POF1B: variants seen among roughly 807,000 people sequenced by gnomAD.
POF1B encodes protein POF1B.
In POF1B, 53 loss-of-function variants were observed where a neutral mutation model predicts 55.3. The observed-to-expected ratio is 0.96, with a 90% CI of 0.77 to 1.20. The LOEUF (loss-of-function observed/expected upper bound fraction) is 1.20. Ranked by LOEUF, POF1B falls within the 50% of genes most tolerant of loss-of-function variation. The probability of loss-of-function intolerance (pLI) is 0.00; values close to 1 mark genes in which losing one functional copy is unlikely to be tolerated. For synonymous variants in POF1B, 188 were observed against 148.3 expected, an observed-to-expected ratio of 1.27 and a Z score of -1.95; for missense variants, 478 against 420.5, an observed-to-expected ratio of 1.14 and a Z score of -1.20.
intron 2 of POF1B, among the ~76,000 whole-genome samples, chrX:85,377,816 T>C (rs1185981631): frequency 1.8e-5 from 2 of 112,113 alleles, no homozygotes; most frequent in Non-Finnish European, 3.8e-5. Context: ...AATTGTCCGG[T>C]AGCCAATATT....
intron 6 of POF1B, among the ~76,000 whole-genome samples, chrX:85,344,048 C>A (rs1933224887): frequency 9.0e-6 from 1 of 111,089 alleles, no homozygotes; most frequent in South Asian, 3.7e-4. Flanking sequence ...AATATGCTAG[C>A]CATATCTATT....
chrX:85,319,697 C>G (rs1180290434), intron 7 of POF1B, among the ~76,000 whole-genome samples: 1 of 111,616 alleles, frequency 9.0e-6, no homozygotes, highest in Non-Finnish European at 1.9e-5. Flanking sequence ...TTAAACCAAT[C>G]TTGCCCCCCA....
At chrX:85,364,684 C>G (rs1274077604) in intron 3 of POF1B, among the ~76,000 whole-genome samples, 2 of 111,372 alleles carry the variant, frequency 1.8e-5, no homozygotes, top group Non-Finnish European at 3.8e-5. Context: ...TGTCAACATT[C>G]TTTCTTTCAT....
intron 15 of POF1B, among the ~76,000 whole-genome samples, 183 bp downstream of exon 15, chrX:85,303,223 T>G (rs942618693): frequency 4.5e-5 from 5 of 111,311 alleles, no homozygotes; most frequent in Non-Finnish European, 7.6e-5. Flanking sequence ...AGGAAAGATG[T>G]GCTTCAGGAT....
At chrX:85,326,871 A>C (rs1932903215) in intron 7 of POF1B, among the ~76,000 whole-genome samples, 1 of 109,919 alleles carries the variant, frequency 9.1e-6, no homozygotes, top group Admixed American at 9.6e-5. Context: ...GAGGCACCCC[A>C]CCTGGGCATC....
intron 7 of POF1B, among the ~76,000 whole-genome samples, chrX:85,326,703 G>A (rs369235770): frequency 1.5e-4 from 16 of 109,747 alleles, no homozygotes; most frequent in African/African-American, 5.0e-4. Flanking sequence ...GGGTGGCCAT[G>A]GGAGAGTGCG....
chrX:85,335,886 T>A (rs1006556142), intron 6 of POF1B, among the ~76,000 whole-genome samples: 2 of 110,429 alleles, frequency 1.8e-5, no homozygotes, highest in African/African-American at 6.6e-5. Flanking sequence ...TATTTTTAAA[T>A]GTACAATTAA....
At chrX:85,378,342 G>A (rs1040508445) in intron 2 of POF1B, among the ~76,000 whole-genome samples, 8 of 111,617 alleles carry the variant, frequency 7.2e-5, no homozygotes, top group African/African-American at 2.6e-4. Flanking sequence ...CTTAAAACAT[G>A]CAAATTTAAT....
At chrX:85,291,905 C>G (rs1168338246) in intron 15 of POF1B, among the ~76,000 whole-genome samples, 1 of 111,125 alleles carries the variant, frequency 9.0e-6, no homozygotes, top group East Asian at 2.9e-4. Flanking sequence ...TATTTGGATG[C>G]CTTTATTTCT....
At chrX:85,307,057 C>A in intron 11 of POF1B, 106 bp downstream of exon 11, 1 of 631,140 alleles carries the variant, frequency 1.6e-6, no homozygotes, top group Non-Finnish European at 2.4e-6. Context: ...ATTTTTCCAT[C>A]ATATTTAATT....
chrX:85,279,942 C>T (rs1034217895), intron 16 of POF1B, among the ~76,000 whole-genome samples: 1 of 111,080 alleles, frequency 9.0e-6, no homozygotes, highest in African/African-American at 3.3e-5. Flanking sequence ...TCAGTCTTAA[C>T]TTTGGGCATC....
chrX:85,321,727 T>G (rs1360088194), intron 7 of POF1B, among the ~76,000 whole-genome samples: 1 of 100,121 alleles, frequency 1.0e-5, no homozygotes, highest in African/African-American at 4.1e-5. Context: ...CTTAAGCTGA[T>G]AAGCAACTTC....
intron 9 of POF1B, among the ~76,000 whole-genome samples, chrX:85,309,497 A>C (rs901973285): frequency 8.9e-5 from 10 of 111,754 alleles, no homozygotes; most frequent in South Asian, 7.5e-4. Flanking sequence ...ATTGGTTAGG[A>C]ATCTTGGGAC....
At chrX:85,372,412 T>C (rs200509771) in intron 2 of POF1B, among the ~76,000 whole-genome samples, 1 of 109,032 alleles carries the variant, frequency 9.2e-6, no homozygotes, top group Non-Finnish European at 1.9e-5. Context: ...ATAATTTCAT[T>C]ACATCACTTG....
chrX:85,324,530 C>T (rs761884895), intron 7 of POF1B, among the ~76,000 whole-genome samples: 14 of 110,377 alleles, frequency 1.3e-4, no homozygotes. Context: ...GGGTTATAAC[C>T]CCTGCTTTTT....
intron 7 of POF1B, among the ~76,000 whole-genome samples, chrX:85,322,706 G>A (rs1438658481): frequency 9.0e-6 from 1 of 111,427 alleles, no homozygotes; most frequent in East Asian, 2.8e-4. Flanking sequence ...CTGACAAAGG[G>A]CTAATATCCA....
intron 4 of POF1B, among the ~76,000 whole-genome samples, chrX:85,357,451 T>A (rs1220622261): frequency 9.0e-6 from 1 of 110,946 alleles, no homozygotes; most frequent in Non-Finnish European, 1.9e-5. Context: ...TCTTCACTCA[T>A]TTTTTTCAAT....
chrX:85,303,524 A>G, intron 14 of POF1B, 36 bp from the exon 15 acceptor site: 1 of 893,763 alleles, frequency 1.1e-6, no homozygotes, highest in Non-Finnish European at 1.6e-6. Flanking sequence ...ATTTGATGGA[A>G]AGTAGAAACA....
chrX:85,281,700 C>T (rs373266482), intron 16 of POF1B, among the ~76,000 whole-genome samples: 1 of 106,989 alleles, frequency 9.3e-6, no homozygotes, highest in South Asian at 3.9e-4. Flanking sequence ...AAGCTAGAAA[C>T]ATCTCTTCTT....
Sources: allele counts gnomAD v4.1 joint callset (sites outside exome capture counted in the v4.1 genomes callset), GRCh38; gene constraint gnomAD v4.1.1; transcripts MANE v1.5; gene names NCBI Gene and HGNC (gene_info 2026-07-23, HGNC 2026-07-21).